VPS41: variants seen among roughly 807,000 people sequenced by gnomAD.
The protein encoded by VPS41 is VPS41 subunit of HOPS complex.
In VPS41, 85 loss-of-function variants were observed where a neutral mutation model predicts 130.9. The ratio of observed to expected loss-of-function variants is 0.65; its 90% CI spans 0.55 to 0.78. The LOEUF (loss-of-function observed/expected upper bound fraction) is 0.78, where lower values mean the gene tolerates loss of function less well. Ranked by LOEUF, VPS41 falls within the 30% of genes least tolerant of loss-of-function variation. VPS41 has a pLI of 0.00. For missense variants in VPS41, 874 were observed against 1,018.7 expected, an observed-to-expected ratio of 0.86 and a Z score of 1.93; for synonymous variants, 335 against 332.9, an observed-to-expected ratio of 1.01 and a Z score of -0.07.
At chr7:38,853,441 A>G (rs1785909312) in intron 4 of VPS41, among the ~76,000 whole-genome samples, 1 of 148,348 alleles carries the variant, frequency 6.7e-6, no homozygotes, top group Non-Finnish European at 1.5e-5. Flanking sequence ...AAAAAAAAAA[A>G]GTATCACTGT....
rs1474971204 is a variant in VPS41, at chr7:38,728,717, A to C, written c.2334T>G (p.Thr778=). 1 of 1,614,028 alleles carries C rather than the reference A, an allele frequency of 6.2e-7. No individual in the cohort carries two copies. The highest frequency in any genetic ancestry group is 8.5e-7 in the Non-Finnish European group (1 of 1,180,022). The change falls in exon 26 of 29, where the codon ACT becomes ACG. Residue 778 remains threonine (T), a synonymous_variant. Coordinates refer to ENST00000310301, the MANE Select transcript of VPS41 (RefSeq NM_014396.4). ...CATCAACAAGAACACCTTTCATTTG[A>C]GTTCGGTGCATTTTCTTCAGTAAGG... ...SLSLLKKMHR[T]QMKGVLVDEE... is the part of the protein sequence containing the mutation.
chr7:38,892,432 G>A (rs1786886021), intron 2 of VPS41, among the ~76,000 whole-genome samples: 2 of 152,118 alleles, frequency 1.3e-5, no homozygotes, highest in African/African-American at 4.8e-5. Flanking sequence ...AAAGTGCCCA[G>A]CACTGTTTTC....
intron 25 of VPS41, among the ~76,000 whole-genome samples, chr7:38,736,901 A>G (rs1381098713): frequency 6.6e-6 from 1 of 152,202 alleles, no homozygotes; most frequent in Non-Finnish European, 1.5e-5. Flanking sequence ...CAAAGCTTCT[A>G]TCTCAAGAAA....
intron 2 of VPS41, among the ~76,000 whole-genome samples, chr7:38,888,476 C>T (rs1268011642): frequency 1.3e-5 from 2 of 152,200 alleles, no homozygotes; most frequent in East Asian, 3.8e-4. Flanking sequence ...GAAGAGCTAA[C>T]TATCCTAAAT....
intron 6 of VPS41, among the ~76,000 whole-genome samples, chr7:38,820,829 C>T (rs1273032509): frequency 6.6e-6 from 1 of 152,206 alleles, no homozygotes; most frequent in Non-Finnish European, 1.5e-5. Flanking sequence ...CATCACTCCA[C>T]CAATGAAGCC....
intron 2 of VPS41, 101 bp from the exon 3 acceptor site, chr7:38,869,354 A>G: frequency 2.7e-6 from 2 of 740,862 alleles, no homozygotes. Flanking sequence ...GGTTCCTTCA[A>G]TGATGTTAAT....
At chr7:38,735,408 A>G (rs114508712) in intron 25 of VPS41, among the ~76,000 whole-genome samples, 1,725 of 152,318 alleles carry the variant, frequency 0.011, 45 homozygotes, top group African/African-American at 0.038. Flanking sequence ...CAGCAAATGC[A>G]AATTTGGGAA....
chr7:38,848,004 G>A (rs546702756), intron 4 of VPS41, among the ~76,000 whole-genome samples: 4 of 152,200 alleles, frequency 2.6e-5, no homozygotes, highest in Non-Finnish European at 5.9e-5. Flanking sequence ...AACATATGAC[G>A]AAGAAAGACT....
chr7:38,831,269 TAGTA>T (rs1377972568), intron 4 of VPS41: 46 of 471,120 alleles, frequency 9.8e-5, no homozygotes, highest in East Asian at 8.3e-4. Context: ...AATTATAATT[TAGTA>T]AGTGTGTGCA....
chr7:38,882,807 G>A (rs149338515), intron 2 of VPS41, among the ~76,000 whole-genome samples: 12 of 152,184 alleles, frequency 7.9e-5, no homozygotes, highest in Middle Eastern at 3.4e-3. Context: ...AGCCTTCATC[G>A]CCTCTAGCCC....
At chr7:38,772,993 G>A (rs1784184876) in intron 12 of VPS41, among the ~76,000 whole-genome samples, 1 of 151,928 alleles carries the variant, frequency 6.6e-6, no homozygotes, top group African/African-American at 2.4e-5. Flanking sequence ...AGCTGAAAAA[G>A]TGTTAAAAAT....
intron 1 of VPS41, among the ~76,000 whole-genome samples, chr7:38,900,752 C>T (rs979695917): frequency 3.0e-4 from 46 of 152,190 alleles, no homozygotes; most frequent in African/African-American, 1.1e-3. Context: ...CTCTAGGAAA[C>T]TCTGAGACTT....
At position 38,822,650 on chromosome 7, in the gene VPS41, T is replaced by C. The variant is rs1180287145; in HGVS notation, c.322-1385A>G. 3.3e-5 allele frequency among the ~76,000 whole-genome samples: 5 copies of C among 152,234 alleles called. No homozygotes were observed. In the East Asian group the frequency reaches 9.6e-4, roughly 29 times the overall value. ...CTGCTAAGAACATGCTTTGCAAATC[T>C]TTTGGTGGACTTATATACATATTCA... On this transcript the variant is annotated intron_variant, in intron 5 of 28. Coordinates refer to ENST00000310301, the MANE Select transcript of VPS41 (RefSeq NM_014396.4).
chr7:38,817,958 C>A, intron 6 of VPS41, 76 bp from the exon 7 acceptor site: 1 of 1,125,044 alleles, frequency 8.9e-7, no homozygotes, highest in Non-Finnish European at 1.4e-6. Context: ...TGACACAGTT[C>A]AAGCAGCATG....
rs146243556 is a variant in VPS41 at position 38,772,776 on chromosome 7, C to T, written c.1013-139G>A. 1.3e-3 allele frequency: 683 copies of T among 545,292 alleles called. 4 individuals are homozygous for T. Among genetic ancestry groups the T allele is most frequent in the African/African-American group, 0.012 (597 of 51,800 alleles). The allele number at this position is 545,292 out of a possible 1,614,324, so 33.8% of individuals were successfully genotyped here. ...TATCTTTGTTGTGTGTTTGGCTCTG[C>T]TGGAAGGTAAGTGTGGGAGACAGGG... On this transcript the variant is annotated intron_variant, in intron 12 of 28. Coordinates refer to ENST00000310301, the MANE Select transcript of VPS41 (RefSeq NM_014396.4).
At chr7:38,825,040 T>A (rs554609708) in intron 5 of VPS41, among the ~76,000 whole-genome samples, 1 of 152,180 alleles carries the variant, frequency 6.6e-6, no homozygotes, top group South Asian at 2.1e-4. Flanking sequence ...TAAAGAGGAA[T>A]AAACAAAAAA....
At chr7:38,821,331 G>A in intron 5 of VPS41, 66 bp from the exon 6 acceptor site, 1 of 1,059,196 alleles carries the variant, frequency 9.4e-7, no homozygotes, top group Non-Finnish European at 1.4e-6. Flanking sequence ...GAGTCAGTAT[G>A]AACACATACT....
chr7:38,742,453 G>A (rs1313542194), intron 24 of VPS41, among the ~76,000 whole-genome samples: 1 of 152,072 alleles, frequency 6.6e-6, no homozygotes, highest in Non-Finnish European at 1.5e-5. Flanking sequence ...CTATGGCTCA[G>A]GTATCATATA....
intron 23 of VPS41, 125 bp downstream of exon 23, chr7:38,745,434 G>T: frequency 2.7e-6 from 2 of 744,356 alleles, no homozygotes; most frequent in South Asian, 1.6e-5. Context: ...TTAAATTATT[G>T]TAAAAATAGG....
Sources: allele counts gnomAD v4.1 joint callset (sites outside exome capture counted in the v4.1 genomes callset), GRCh38; gene constraint gnomAD v4.1.1; transcripts MANE v1.5; gene names NCBI Gene and HGNC (gene_info 2026-07-23, HGNC 2026-07-21).